MACIR: variants seen among roughly 807,000 people sequenced by gnomAD.
MACIR encodes macrophage immunometabolism regulator.
MACIR carries 4 observed loss-of-function variants against 14.3 expected under a neutral mutation model. The ratio of observed to expected loss-of-function variants is 0.28; its 90% confidence interval spans 0.14 to 0.64. The LOEUF (loss-of-function observed/expected upper bound fraction) is 0.64, where lower values mean the gene tolerates loss of function less well. MACIR is among the 30% of genes least tolerant of loss of function. The pLI, the probability that MACIR is intolerant of heterozygous loss-of-function variation, is 0.83. For missense variants in MACIR, 228 were observed against 257.6 expected (o/e 0.89, Z 0.79); for synonymous variants, 101 against 102.4 (o/e 0.99, Z 0.08).
At chr5:103,268,274 G>C (rs376106753) in intron 2 of MACIR, among the ~76,000 whole-genome samples, 1 of 152,280 alleles carries the variant, frequency 6.6e-6, no homozygotes, top group Non-Finnish European at 1.5e-5. Context: ...CTCTAACGTA[G>C]CTGCACCTGA....
rs782813606 is a variant in MACIR at position 103,276,215 on chromosome 5, G to T, written c.296G>T (p.Gly99Val). The change falls in exon 3 of 3, where the codon GGA becomes GTA. Residue 99 changes from glycine (G) to valine (V), a missense_variant. Coordinates refer to ENST00000319933, the MANE Select transcript of MACIR (RefSeq NM_033211.4). The stretch of plus-strand genomic sequence containing the variant: ...TTACGCTCCAAACAGCTAGATGCAG[G>T]ACTTGCCCGTTCCTCTCGTTTGTAT... Reference protein sequence around the residue: ...PSLRSKQLDAGLARSSRLYKT... With the variant: ...PSLRSKQLDAVLARSSRLYKT... 1 of 1,613,544 alleles carries T rather than the reference G, an allele frequency of 6.2e-7. No individual in the cohort carries two copies. The highest frequency in any genetic ancestry group is 8.5e-7 in the Non-Finnish European group (1 of 1,179,896).
intron 2 of MACIR, 91 bp from the exon 3 acceptor site, chr5:103,275,806 A>T: frequency 9.5e-7 from 1 of 1,049,978 alleles, no homozygotes; most frequent in East Asian, 2.5e-5. Context: ...GGCAAGTGTT[A>T]CTTCATGCTC....
chr5:103,272,833 T>C (rs1805184628), intron 2 of MACIR, among the ~76,000 whole-genome samples: 1 of 152,178 alleles, frequency 6.6e-6, no homozygotes, highest in Non-Finnish European at 1.5e-5. Flanking sequence ...CATGTGGCAG[T>C]ATATTGCAGA....
At chr5:103,266,149 A>G (rs6866343) in intron 2 of MACIR, among the ~76,000 whole-genome samples, 152 bp downstream of exon 2, 2 of 152,178 alleles carry the variant, frequency 1.3e-5, no homozygotes, top group African/African-American at 4.8e-5. Flanking sequence ...GCAAATATGT[A>G]TACTATAATT....
chr5:103,258,761 A>T (rs1433712344), upstream of MACIR: 1 of 152,768 alleles, frequency 6.5e-6, no homozygotes, highest in African/African-American at 2.4e-5. Context: ...GCGCGGTGGG[A>T]GAGGAGAGGG....
chr5:103,262,526 T>C (rs1365880085), intron 1 of MACIR, among the ~76,000 whole-genome samples: 1 of 152,228 alleles, frequency 6.6e-6, no homozygotes, highest in Admixed American at 6.5e-5. Context: ...GGCATTCTTA[T>C]TTACCTGTGA....
chr5:103,268,263 T>C (rs2149927505), intron 2 of MACIR, among the ~76,000 whole-genome samples: 1 of 152,324 alleles, frequency 6.6e-6, no homozygotes, highest in South Asian at 2.1e-4. Flanking sequence ...GCCAAACTGT[T>C]CTCTAACGTA....
At chr5:103,269,873 A>G (rs1805064875) in intron 2 of MACIR, among the ~76,000 whole-genome samples, 1 of 152,210 alleles carries the variant, frequency 6.6e-6, no homozygotes, top group African/African-American at 2.4e-5. Context: ...TTTTTGTAAT[A>G]TATATAAATG....
In MACIR at chr5:103,270,268, G is replaced by A. The variant is rs57792783; in HGVS notation, c.-24+4271G>A. Among the ~76,000 whole-genome samples the A allele has an allele frequency of 3.1e-3, 467 of 152,192 alleles. 1 individual carries two copies. Among genetic ancestry groups the A allele is most frequent in the African/African-American group, 0.011 (444 of 41,528 alleles). On this transcript the variant is annotated intron_variant, in intron 2 of 2. Transcript: ENST00000319933. ...GGTGCTTGCTATAAAAATCTAAAAAGTACATGTTCTTTGACTCAGCATTTT... is the reference window on the plus strand; with the variant it reads ...GGTGCTTGCTATAAAAATCTAAAAAATACATGTTCTTTGACTCAGCATTTT...
intron 1 of MACIR, among the ~76,000 whole-genome samples, chr5:103,265,674 G>C (rs150322515): frequency 8.0e-4 from 121 of 152,190 alleles, no homozygotes; most frequent in African/African-American, 2.9e-3. Flanking sequence ...TAGTCTCTAG[G>C]TAGAATTTAA....
intron 2 of MACIR, among the ~76,000 whole-genome samples, chr5:103,272,761 A>G (rs1805181312): frequency 6.6e-6 from 1 of 152,154 alleles, no homozygotes; most frequent in South Asian, 2.1e-4. Flanking sequence ...GCCGTTTGTG[A>G]GAGTCTTGTT....
rs782302632 is a variant in MACIR, at chr5:103,276,581, G to T, written c.*41G>T. The T allele has an allele frequency of 5.1e-6, 8 of 1,554,340 alleles. No individual in the cohort carries two copies. In the South Asian group the frequency reaches 8.7e-5, roughly 17 times the overall value. On this transcript the variant is annotated 3_prime_UTR_variant, in exon 3 of 3. Transcript: ENST00000319933. ...CTTAAACCAATTTAGGTCAGCCTAC[G>T]CTTGGCTAGAAAAAACCCACTGCTG... is the stretch of plus-strand genomic sequence containing the variant.
rs548153461 is a variant in MACIR, at chr5:103,276,718, G to C, written c.*178G>C. 2.1e-5 allele frequency: 9 copies of C among 436,364 alleles called. No homozygotes were observed. The highest frequency in any genetic ancestry group is 1.7e-4 in the African/African-American group (6 of 35,332). The allele number at this position is 436,364 out of a possible 1,614,324, so 27.0% of individuals were successfully genotyped here. On this transcript the variant is annotated 3_prime_UTR_variant, in exon 3 of 3. Transcript: ENST00000319933. ...TACAGGAATGAAATCACAGGTACTTGGGGGGGGGATATCATTCTAGAGCAC... is the reference window on the plus strand; with the variant it reads ...TACAGGAATGAAATCACAGGTACTTCGGGGGGGGATATCATTCTAGAGCAC...
chr5:103,265,557 T>C (rs1404506306), intron 1 of MACIR, among the ~76,000 whole-genome samples: 2 of 152,174 alleles, frequency 1.3e-5, no homozygotes, highest in African/African-American at 2.4e-5. Context: ...TTTTTTTCCA[T>C]AGAGTACTGT....
intron 2 of MACIR, among the ~76,000 whole-genome samples, chr5:103,268,931 C>T (rs1805025785): frequency 6.6e-6 from 1 of 152,030 alleles, no homozygotes; most frequent in Non-Finnish European, 1.5e-5. Context: ...TAAAACTATA[C>T]CACTCTAGCC....
chr5:103,271,216 A>G (rs1554237097), intron 2 of MACIR, among the ~76,000 whole-genome samples: 1 of 152,176 alleles, frequency 6.6e-6, no homozygotes, highest in African/African-American at 2.4e-5. Flanking sequence ...TTTCTCAAAA[A>G]GAATTCTTTC....
Position 103,276,159 on chromosome 5 carries a change from T to C in MACIR, c.240T>C (p.Gly80=). The change falls in exon 3 of 3, where the codon GGT becomes GGC. Residue 80 remains glycine (G), a synonymous_variant. Coordinates refer to ENST00000319933, the MANE Select transcript of MACIR (RefSeq NM_033211.4). ...AGTTAGCTCAGAAGTGCACAGGAGG[T>C]GAAGAGAGCAAAGCAGAAGCCATGC... The part of the protein sequence containing the change: ...LLKLAQKCTG[G]EESKAEAMPS... The C allele has an allele frequency of 3.1e-6, 5 of 1,613,182 alleles. No individual in the cohort carries two copies. The highest frequency in any genetic ancestry group is 4.2e-6 in the Non-Finnish European group (5 of 1,179,828).
chr5:103,264,123 C>A (rs113083740), intron 1 of MACIR, among the ~76,000 whole-genome samples: 1 of 151,990 alleles, frequency 6.6e-6, no homozygotes, highest in Non-Finnish European at 1.5e-5. Context: ...ATACATTTTG[C>A]GGGATCATGA....
chr5:103,275,325 A>T lies in MACIR; in HGVS notation c.-23-572A>T, dbSNP rs140654849. Among the ~76,000 whole-genome samples, 381 of 152,296 alleles carry T rather than the reference A, an allele frequency of 2.5e-3. 1 individual carries two copies. Among genetic ancestry groups the T allele is most frequent in the African/African-American group, 8.9e-3 (371 of 41,566 alleles). On this transcript the variant is annotated intron_variant, in intron 2 of 2. Transcript: ENST00000319933. ...CCCCTAAGACTCCTCATACTCTAAG[A>T]ATAGTTTTTTAGGTCTAAATTGGAT...
Sources: gnomAD v4.1 joint callset for allele counts (sites outside exome capture counted in the v4.1 genomes callset) on GRCh38, gnomAD v4.1.1 for gene constraint, MANE v1.5 for transcripts, NCBI Gene and HGNC (gene_info 2026-07-23, HGNC 2026-07-21) for gene names.